The following GALNT13 variants were observed in gnomAD, a reference collection of about 807,000 sequenced individuals.
GALNT13 encodes the protein UDP-GalNAc:polypeptide N-acetylgalactosaminyltransferase 13.
GALNT13 carries 28 observed loss-of-function variants against 64.2 expected under a neutral mutation model. The ratio of observed to expected loss-of-function variants is 0.44; its 90% CI spans 0.32 to 0.60. The LOEUF (loss-of-function observed/expected upper bound fraction) is 0.60. Ranked by LOEUF, GALNT13 falls within the 20% of genes least tolerant of loss-of-function variation. GALNT13 has a pLI of 0.05. For synonymous variants in GALNT13, 214 were observed against 224.6 expected (o/e 0.95, Z 0.42); for missense variants, 577 against 669.8 (o/e 0.86, Z 1.53).
At chr2:154,442,909 T>A (rs1250756618) in intron 12 of GALNT13, among the ~76,000 whole-genome samples, 1 of 152,168 alleles carries the variant, frequency 6.6e-6, no homozygotes, top group Non-Finnish European at 1.5e-5. Flanking sequence ...AAAATACTTG[T>A]TGTGAATTCT....
At chr2:153,510,668 G>A in the GALNT13 span, among the ~76,000 whole-genome samples, 8 of 152,078 alleles carry the variant, frequency 5.3e-5, no homozygotes, top group Non-Finnish European at 2.9e-5. Context: ...CAGAGATTCT[G>A]ATTTAATATG....
rs752474364 is a variant in GALNT13 at position 154,396,091 on chromosome 2, G to A, written c.1257G>A (p.Pro419=). 55 of 1,607,870 alleles carry A rather than the reference G, an allele frequency of 3.4e-5. No individual in the cohort carries two copies. Among genetic ancestry groups the A allele is most frequent in the South Asian group, 2.1e-4 (19 of 90,268 alleles). ...CTTGGTACCTAGAAAACATCTATCC[G>A]GACTCCCAGATCCCAAGACGTTATT... The part of the protein sequence containing the change: ...PFSWYLENIY[P]DSQIPRRYYS... Residue 419 remains proline, a synonymous_variant, in exon 10 of 13, where the codon CCG becomes CCA. Coordinates refer to ENST00000392825, the MANE Select transcript of GALNT13 (RefSeq NM_052917.4).
chr2:153,121,544 A>G, the GALNT13 span, among the ~76,000 whole-genome samples: 3 of 152,084 alleles, frequency 2.0e-5, no homozygotes, highest in African/African-American at 7.2e-5. Context: ...TTATTTATTT[A>G]TTTTTGAGGC....
intron 1 of GALNT13, among the ~76,000 whole-genome samples, chr2:153,874,245 T>C (rs899984223): frequency 6.6e-6 from 1 of 151,922 alleles, no homozygotes; most frequent in African/African-American, 2.4e-5. Flanking sequence ...AAAAGATGCA[T>C]TTCTCTGCAC....
chr2:154,309,121 A>C (rs1340327083), intron 9 of GALNT13, among the ~76,000 whole-genome samples: 1 of 152,210 alleles, frequency 6.6e-6, no homozygotes, highest in Non-Finnish European at 1.5e-5. Context: ...TATCTACATG[A>C]GCACATGTAA....
chr2:153,381,779 T>G, the GALNT13 span, among the ~76,000 whole-genome samples: 1 of 152,136 alleles, frequency 6.6e-6, no homozygotes, highest in African/African-American at 2.4e-5. Flanking sequence ...TGACATTTGA[T>G]TAAAGAGTCA....
chr2:153,781,397 A>G, the GALNT13 span, among the ~76,000 whole-genome samples: 2 of 152,168 alleles, frequency 1.3e-5, no homozygotes, highest in African/African-American at 4.8e-5. Flanking sequence ...ATGCGCTTAC[A>G]TACTTTTTGG....
chr2:154,155,767 G>T (rs1438625052), intron 4 of GALNT13, among the ~76,000 whole-genome samples: 1 of 151,574 alleles, frequency 6.6e-6, no homozygotes, highest in African/African-American at 2.4e-5. Context: ...ATTTATATTT[G>T]GACTTTGAAT....
At chr2:153,464,741 T>C in the GALNT13 span, among the ~76,000 whole-genome samples, 1 of 152,076 alleles carries the variant, frequency 6.6e-6, no homozygotes, top group African/African-American at 2.4e-5. Context: ...AAGGGTGATA[T>C]CACCTAGAAA....
the GALNT13 span, among the ~76,000 whole-genome samples, chr2:153,543,483 A>C: frequency 6.6e-6 from 1 of 152,252 alleles, no homozygotes; most frequent in Non-Finnish European, 1.5e-5. Flanking sequence ...CTTGTAATGT[A>C]AATTATATAA....
the GALNT13 span, among the ~76,000 whole-genome samples, chr2:153,610,778 T>TA: frequency 8.3e-4 from 126 of 152,146 alleles, 2 homozygotes; most frequent in African/African-American, 2.9e-3. Context: ...GTGTGGAAGG[T>TA]AAAAAACTAA....
At chr2:153,443,052 T>G in the GALNT13 span, among the ~76,000 whole-genome samples, 6 of 151,798 alleles carry the variant, frequency 4.0e-5, no homozygotes, top group Non-Finnish European at 8.8e-5. Flanking sequence ...TCCAAGGGAG[T>G]GAACGGTTTT....
At chr2:153,265,370 C>A in the GALNT13 span, among the ~76,000 whole-genome samples, 1 of 152,106 alleles carries the variant, frequency 6.6e-6, no homozygotes, top group Non-Finnish European at 1.5e-5. Context: ...GGACAATTTG[C>A]CTCTGACTAG....
intron 8 of GALNT13, among the ~76,000 whole-genome samples, chr2:154,288,443 G>A (rs1692405438): frequency 1.3e-5 from 2 of 151,966 alleles, no homozygotes; most frequent in Admixed American, 1.3e-4. Context: ...GTCCCCCAAA[G>A]TCTTAACTCA....
At position 153,920,008 on chromosome 2, in the gene GALNT13, C is replaced by A. The variant is rs1299425405; in HGVS notation, c.-105+19001C>A. Among the ~76,000 whole-genome samples, 7 of 147,398 alleles carry A rather than the reference C, an allele frequency of 4.7e-5. No individual in the cohort carries two copies. In the South Asian group the frequency reaches 1.5e-3, roughly 31 times the overall value. On this transcript the variant is annotated intron_variant, in intron 2 of 12. Transcript: ENST00000392825. ...ATATTATATATATTATAATATATAA[C>A]AGTTATATATATTATATATAGCTAA...
the GALNT13 span, among the ~76,000 whole-genome samples, chr2:153,112,924 A>T: frequency 6.6e-6 from 1 of 152,102 alleles, no homozygotes; most frequent in African/African-American, 2.4e-5. Flanking sequence ...CTTTTTTCTC[A>T]CAGATTCCAG....
chr2:153,420,765 GCTT>G, the GALNT13 span: 3 of 231,048 alleles, frequency 1.3e-5, no homozygotes, highest in East Asian at 1.1e-4. Context: ...CTCAGAAAAT[GCTT>G]CTTCTCCCAT....
chr2:153,643,125 T>C, the GALNT13 span, among the ~76,000 whole-genome samples: 43,669 of 150,828 alleles, frequency 0.29, 6,775 homozygotes, highest in Admixed American at 0.4. Flanking sequence ...TATAAGTAAA[T>C]GCAAAAATGA....
At chr2:153,089,546 T>G in the GALNT13 span, among the ~76,000 whole-genome samples, 6 of 152,146 alleles carry the variant, frequency 3.9e-5, no homozygotes, top group Non-Finnish European at 8.8e-5. Flanking sequence ...GAAGTTTTCC[T>G]CAATCATTCC....
Sources: gnomAD v4.1 joint callset for allele counts (sites outside exome capture counted in the v4.1 genomes callset) on GRCh38, gnomAD v4.1.1 for gene constraint, MANE v1.5 for transcripts, NCBI Gene and HGNC (gene_info 2026-07-23, HGNC 2026-07-21) for gene names.